The following HPSE2 variants were observed in gnomAD, a reference collection of about 807,000 sequenced individuals.
HPSE2 encodes inactive heparanase-2.
Under a neutral mutation model 60.5 loss-of-function variants are expected in HPSE2, and 38 were observed. The ratio of observed to expected loss-of-function variants is 0.63; its 90% CI spans 0.48 to 0.82. The LOEUF is 0.82. HPSE2 is among the 40% of genes least tolerant of loss of function. HPSE2 has a pLI of 0.00. For missense variants in HPSE2, 713 were observed against 740.4 expected (o/e 0.96, Z 0.43); for synonymous variants, 295 against 293.2 (o/e 1.01, Z -0.06).
At chr10:99,117,999 A>G in intron 3 of HPSE2, among the ~76,000 whole-genome samples, 1 of 152,194 alleles carries the variant, frequency 6.6e-6, no homozygotes. Flanking sequence ...ATCCAGCAGC[A>G]TATCAAAAAT....
intron 3 of HPSE2, among the ~76,000 whole-genome samples, chr10:98,980,477 C>A (rs944913499): frequency 1.3e-5 from 2 of 152,038 alleles, no homozygotes; most frequent in African/African-American, 4.8e-5. Flanking sequence ...ATGGTCAGAG[C>A]AAATTTATAG....
At position 98,743,886 on chromosome 10, in the gene HPSE2, T is replaced by C. The variant is rs1949561776; in HGVS notation, c.781A>G (p.Asn261Asp). The change falls in exon 4 of 12, where the codon AAT becomes GAT. Residue 261 changes from asparagine to aspartate, a missense_variant. Coordinates refer to ENST00000370552, the MANE Select transcript of HPSE2 (RefSeq NM_021828.5). ...AGGAAGTAACATCCTTACTTACCAT[T>C]ACCCAGTTCCCAAGAAATGTTGTAC... Reference protein sequence around the residue: ...KKYNISWELGNEPNNYRTMHG... With the variant: ...KKYNISWELGDEPNNYRTMHG... 21 of 1,613,420 alleles carry C rather than the reference T, an allele frequency of 1.3e-5. No homozygotes were observed. The highest frequency in any genetic ancestry group is 1.7e-5 in the Non-Finnish European group (20 of 1,179,330).
chr10:99,120,754 G>A (rs769508356), intron 3 of HPSE2, among the ~76,000 whole-genome samples: 4 of 152,332 alleles, frequency 2.6e-5, no homozygotes, highest in East Asian at 3.9e-4. Context: ...TTACAGGCAT[G>A]AGCCACCATG....
At chr10:98,818,153 A>G (rs148996261) in intron 3 of HPSE2, among the ~76,000 whole-genome samples, 2 of 152,306 alleles carry the variant, frequency 1.3e-5, no homozygotes, top group Non-Finnish European at 2.9e-5. Context: ...TGTGTTATTC[A>G]ATGTTTAGCT....
intron 9 of HPSE2, among the ~76,000 whole-genome samples, chr10:98,584,132 G>C (rs1944876550): frequency 6.6e-6 from 1 of 152,200 alleles, no homozygotes; most frequent in Non-Finnish European, 1.5e-5. Flanking sequence ...AGCGATGTAG[G>C]AGGGTTCCAG....
At chr10:98,592,128 A>G (rs1945108316) in intron 9 of HPSE2, among the ~76,000 whole-genome samples, 2 of 152,236 alleles carry the variant, frequency 1.3e-5, no homozygotes, top group Admixed American at 1.3e-4. Context: ...AAAGACTGCT[A>G]CAGTCTTGAC....
the HPSE2 span, among the ~76,000 whole-genome samples, chr10:99,281,221 C>T: frequency 3.7e-4 from 55 of 148,192 alleles, no homozygotes; most frequent in African/African-American, 1.3e-3. Flanking sequence ...ATTTTAAGTA[C>T]ATATTAAAAA....
chr10:99,125,505 T>C (rs1376883175), intron 3 of HPSE2, among the ~76,000 whole-genome samples: 2 of 152,176 alleles, frequency 1.3e-5, no homozygotes, highest in Non-Finnish European at 2.9e-5. Flanking sequence ...CAGAACAGCA[T>C]GTGGAGATTC....
chr10:98,951,911 A>G (rs1436123000), intron 3 of HPSE2, among the ~76,000 whole-genome samples: 1 of 152,144 alleles, frequency 6.6e-6, no homozygotes, highest in African/African-American at 2.4e-5. Flanking sequence ...ATTACCATAA[A>G]CCCCATCTTA....
chr10:98,511,061 T>C (rs1040675001), intron 9 of HPSE2, among the ~76,000 whole-genome samples: 2 of 152,200 alleles, frequency 1.3e-5, no homozygotes, highest in African/African-American at 4.8e-5. Context: ...AATGAGATAA[T>C]ATATCTGGAA....
intron 3 of HPSE2, among the ~76,000 whole-genome samples, chr10:98,977,964 A>G (rs1956123456): frequency 1.3e-5 from 2 of 151,706 alleles, no homozygotes; most frequent in South Asian, 4.1e-4. Context: ...ATTATATTTC[A>G]TATATTTACA....
At chr10:98,791,064 TCAATAAATATTCTG>T (rs1950644734) in intron 3 of HPSE2, among the ~76,000 whole-genome samples, 1 of 152,212 alleles carries the variant, frequency 6.6e-6, no homozygotes, top group African/African-American at 2.4e-5. Context: ...TGAGTTTCTA[TCAATAAATATTCTG>T]CAAATTTTTT....
chr10:98,589,535 GC>G (rs2133939429), intron 9 of HPSE2, among the ~76,000 whole-genome samples: 1 of 152,302 alleles, frequency 6.6e-6, no homozygotes, highest in East Asian at 1.9e-4. Flanking sequence ...ACCCAGGAGT[GC>G]AGTTCTGTGC....
At chr10:98,611,962 C>T (rs1330136694) in intron 9 of HPSE2, among the ~76,000 whole-genome samples, 1 of 152,130 alleles carries the variant, frequency 6.6e-6, no homozygotes, top group Non-Finnish European at 1.5e-5. Flanking sequence ...GTCTTTTGTG[C>T]CATGCTTTTA....
rs376333994 is a variant in HPSE2 at position 98,854,239 on chromosome 10, T to C, written c.611-110183A>G. Among the ~76,000 whole-genome samples, 75 of 152,318 alleles carry C rather than the reference T, an allele frequency of 4.9e-4. 1 individual carries two copies. In the South Asian group the frequency reaches 0.015, roughly 31 times the overall value. ...TAATGACTATTTTATGAGTTGATGA[T>C]TCTTTTATGAGAAATGGTTTACTGT... On this transcript the variant is annotated intron_variant, in intron 3 of 11. Coordinates refer to ENST00000370552, the MANE Select transcript of HPSE2 (RefSeq NM_021828.5).
rs191023040 is a variant in HPSE2, at chr10:99,118,434, A to C, written c.610+25804T>G. Among the ~76,000 whole-genome samples the C allele has an allele frequency of 3.5e-3, 528 of 151,186 alleles. 1 individual carries two copies. Among genetic ancestry groups the C allele is most frequent in the African/African-American group, 0.012 (503 of 41,254 alleles). On this transcript the variant is annotated intron_variant, in intron 3 of 11. Transcript: ENST00000370552. ...GCTACTCAGGAGGCTGAGGCAGGAG[A>C]ATGGCATGAACCCAGGAGGCAGAGT...
intron 2 of HPSE2, among the ~76,000 whole-genome samples, chr10:99,157,352 T>C (rs1846614832): frequency 1.2e-5 from 1 of 86,356 alleles, no homozygotes; most frequent in Admixed American, 1.4e-4. Context: ...CTTCAAACTA[T>C]ACTACAAGGC....
chr10:99,103,539 G>A (rs907532926), intron 3 of HPSE2, among the ~76,000 whole-genome samples: 4 of 152,134 alleles, frequency 2.6e-5, no homozygotes, highest in Non-Finnish European at 5.9e-5. Flanking sequence ...AATCGATATC[G>A]TGAAAATGGC....
chr10:98,795,018 G>A (rs868751993), intron 3 of HPSE2, among the ~76,000 whole-genome samples: 27 of 29,218 alleles, frequency 9.2e-4, no homozygotes, highest in African/African-American at 3.3e-3. Context: ...GAGAGAGAGA[G>A]AGAAGGAAGG....
Sources: gnomAD v4.1 joint callset for allele counts (sites outside exome capture counted in the v4.1 genomes callset) on GRCh38, gnomAD v4.1.1 for gene constraint, MANE v1.5 for transcripts, NCBI Gene and HGNC (gene_info 2026-07-23, HGNC 2026-07-21) for gene names.